The following LPXN variants were observed in gnomAD, a reference collection of about 807,000 sequenced individuals.
The protein encoded by LPXN is leupaxin.
A neutral mutation model predicts 45.6 loss-of-function variants in LPXN; 28 were observed. The ratio of observed to expected loss-of-function variants is 0.61; its 90% CI spans 0.45 to 0.84. The LOEUF (loss-of-function observed/expected upper bound fraction) is 0.84, where lower values mean the gene tolerates loss of function less well. Among genes scored for constraint, LPXN ranks in the 40% least tolerant of loss-of-function variants. The pLI, the probability that LPXN is intolerant of heterozygous loss-of-function variation, is 0.00. For missense variants in LPXN, 459 were observed against 475.0 expected, an observed-to-expected ratio of 0.97 and a Z score of 0.31; for synonymous variants, 166 against 169.9, an observed-to-expected ratio of 0.98 and a Z score of 0.18.
chr11:58,546,152 G>T (rs549915254), intron 7 of LPXN, among the ~76,000 whole-genome samples: 18 of 152,170 alleles, frequency 1.2e-4, no homozygotes, highest in Non-Finnish European at 2.5e-4. Flanking sequence ...TAGATTTTAA[G>T]AGTGGTACCT....
chr11:58,575,027 C>T (rs981278113), intron 1 of LPXN, among the ~76,000 whole-genome samples: 1 of 152,160 alleles, frequency 6.6e-6, no homozygotes, highest in African/African-American at 2.4e-5. Context: ...TTGGCAAAGG[C>T]TATGGAATGA....
At chr11:58,535,237 A>C (rs1853514739) in intron 7 of LPXN, among the ~76,000 whole-genome samples, 1 of 152,230 alleles carries the variant, frequency 6.6e-6, no homozygotes, top group Non-Finnish European at 1.5e-5. Context: ...ACTTCAGGCC[A>C]ATATCCCTGA....
At chr11:58,552,606 C>T (rs1271789597) in intron 4 of LPXN, among the ~76,000 whole-genome samples, 1 of 152,226 alleles carries the variant, frequency 6.6e-6, no homozygotes. Flanking sequence ...TGATCTGTTA[C>T]TGTCTGCCTT....
At position 58,528,045 on chromosome 11, in the gene LPXN, C is replaced by T; in HGVS notation, c.889G>A (p.Gly297Arg). 1 of 1,613,838 alleles carries T rather than the reference C, an allele frequency of 6.2e-7. No individual in the cohort carries two copies. The highest frequency in any genetic ancestry group is 1.1e-5 in the South Asian group (1 of 91,038). Residue 297 changes from glycine (G) to arginine (R), a missense_variant and splice_region_variant, in exon 8 of 9, where the codon GGG becomes AGG. By Grantham distance (125) the Gly-to-Arg change is moderately radical. Coordinates refer to ENST00000395074, the MANE Select transcript of LPXN (RefSeq NM_004811.3). ...GAAAGAAAAGTGATTATACAGACCC[C>T]ACAAACAAAGCACTCTGGGTGCCAG... is the stretch of plus-strand genomic sequence containing the variant. ...TVWHPECFVC[G>R]DCFTSFSTGS...
At chr11:58,575,285 T>G (rs1192444951) in intron 1 of LPXN, among the ~76,000 whole-genome samples, 2 of 152,164 alleles carry the variant, frequency 1.3e-5, no homozygotes, top group African/African-American at 4.8e-5. Context: ...ATGAAACCAC[T>G]CTGGCCTTTT....
upstream of LPXN, chr11:58,577,867 G>C: frequency 1.1e-6 from 1 of 895,004 alleles, no homozygotes; most frequent in Non-Finnish European, 1.6e-6. Context: ...ACAAGGTCTA[G>C]TAGAAAAGCA....
Position 58,528,029 on chromosome 11 carries a change from G to A in LPXN, c.891+14C>T. The A allele has an allele frequency of 1.9e-6, 3 of 1,608,254 alleles. No homozygotes were observed. The highest frequency in any genetic ancestry group is 2.5e-6 in the Non-Finnish European group (3 of 1,176,872). On this transcript the variant is annotated intron_variant, in intron 8 of 8. Transcript: ENST00000395074. The stretch of plus-strand genomic sequence containing the variant: ...GACTTTCCCTAAGTCCGAAAGAAAA[G>A]TGATTATACAGACCCCACAAACAAA...
intron 1 of LPXN, among the ~76,000 whole-genome samples, chr11:58,574,905 A>G (rs1279867691): frequency 1.3e-5 from 2 of 152,108 alleles, no homozygotes; most frequent in African/African-American, 4.8e-5. Flanking sequence ...TGCACTTTTG[A>G]CATACCCTAT....
chr11:58,528,686 A>G (rs1196690273), intron 7 of LPXN, among the ~76,000 whole-genome samples: 1 of 152,218 alleles, frequency 6.6e-6, no homozygotes, highest in South Asian at 2.1e-4. Flanking sequence ...TGTCACCATT[A>G]TATCTCTAAT....
intron 2 of LPXN, 48 bp from the exon 3 acceptor site, chr11:58,564,249 A>G (rs76589764): frequency 3.0e-6 from 4 of 1,353,240 alleles, no homozygotes; most frequent in East Asian, 4.6e-5. Flanking sequence ...AATTTTTGTT[A>G]TCAGAATGTT....
chr11:58,547,054 C>A (rs916214287), intron 7 of LPXN, among the ~76,000 whole-genome samples: 2 of 151,890 alleles, frequency 1.3e-5, no homozygotes, highest in Non-Finnish European at 2.9e-5. Flanking sequence ...GATATGTGTG[C>A]CTTGGCATTA....
intron 7 of LPXN, among the ~76,000 whole-genome samples, chr11:58,539,144 CA>C (rs1208601095): frequency 6.6e-6 from 1 of 151,992 alleles, no homozygotes; most frequent in Non-Finnish European, 1.5e-5. Flanking sequence ...CCACTCTCTA[CA>C]AAAAATTTTA....
chr11:58,553,445 T>C (rs1234589428), intron 4 of LPXN, among the ~76,000 whole-genome samples: 2 of 152,174 alleles, frequency 1.3e-5, no homozygotes, highest in African/African-American at 4.8e-5. Context: ...ATGTACATTT[T>C]TTCTAGTATT....
chr11:58,578,405 T>G (rs1237584055), upstream of LPXN, among the ~76,000 whole-genome samples: 1 of 152,010 alleles, frequency 6.6e-6, no homozygotes, highest in Non-Finnish European at 1.5e-5. Context: ...TCTCCCAGAA[T>G]GCCCTTGGTT....
intron 2 of LPXN, among the ~76,000 whole-genome samples, chr11:58,569,381 GT>G (rs895323281): frequency 3.4e-4 from 50 of 147,374 alleles, no homozygotes; most frequent in Non-Finnish European, 7.2e-4. Flanking sequence ...TCTGAGTTTT[GT>G]TTTTTTTTTG....
At chr11:58,553,672 A>C (rs1338487594) in intron 4 of LPXN, among the ~76,000 whole-genome samples, 1 of 152,210 alleles carries the variant, frequency 6.6e-6, no homozygotes, top group Non-Finnish European at 1.5e-5. Flanking sequence ...CCAATCATAT[A>C]CATTTTTATA....
At chr11:58,554,550 T>C (rs1362946702) in intron 4 of LPXN, among the ~76,000 whole-genome samples, 1 of 152,210 alleles carries the variant, frequency 6.6e-6, no homozygotes, top group Non-Finnish European at 1.5e-5. Flanking sequence ...CTGGCTTTTA[T>C]TCTATAAATG....
chr11:58,575,280 A>G (rs767148667), intron 1 of LPXN, among the ~76,000 whole-genome samples: 2 of 152,104 alleles, frequency 1.3e-5, no homozygotes, highest in Non-Finnish European at 2.9e-5. Context: ...AACAAATGAA[A>G]CCACTCTGGC....
chr11:58,535,885 G>A (rs995200166), intron 7 of LPXN, among the ~76,000 whole-genome samples: 3 of 150,072 alleles, frequency 2.0e-5, no homozygotes, highest in East Asian at 2.0e-4. Flanking sequence ...AATAGACAGC[G>A]AAATCATGAG....
Sources: gnomAD v4.1 joint callset for allele counts (sites outside exome capture counted in the v4.1 genomes callset) on GRCh38, gnomAD v4.1.1 for gene constraint, MANE v1.5 for transcripts, NCBI Gene and HGNC (gene_info 2026-07-23, HGNC 2026-07-21) for gene names.